The following ATP9B variants were observed in gnomAD, a reference collection of about 807,000 sequenced individuals.
The protein encoded by ATP9B is ATPase phospholipid transporting 9B, also known as probable phospholipid-transporting ATPase IIB.
ATP9B carries 110 observed loss-of-function variants against 146.1 expected under a neutral mutation model. The observed-to-expected ratio is 0.75, with a 90% CI of 0.65 to 0.88. The LOEUF is 0.88. Ranked by LOEUF, ATP9B falls within the 40% of genes least tolerant of loss-of-function variation. The pLI is 0.00. For synonymous variants in ATP9B, 604 were observed against 569.7 expected (o/e 1.06, Z -0.86); for missense variants, 1,499 against 1,496.4 (o/e 1.00, Z -0.03).
At chr18:79,299,389 A>G (rs2096574829) in intron 13 of ATP9B, among the ~76,000 whole-genome samples, 1 of 152,176 alleles carries the variant, frequency 6.6e-6, no homozygotes, top group Non-Finnish European at 1.5e-5. Context: ...AGCCACATAC[A>G]GTTCCCTCTT....
chr18:79,217,146 G>A (rs985987953), intron 11 of ATP9B, among the ~76,000 whole-genome samples: 9 of 152,208 alleles, frequency 5.9e-5, no homozygotes, highest in East Asian at 1.9e-4. Context: ...TCCTGAGGAC[G>A]TTTTCCTTAG....
At chr18:79,305,117 G>A (rs537496945) in intron 14 of ATP9B, among the ~76,000 whole-genome samples, 1 of 152,326 alleles carries the variant, frequency 6.6e-6, no homozygotes, top group South Asian at 2.1e-4. Flanking sequence ...GACTTGCAGA[G>A]GCCACCTGGC....
chr18:79,185,059 C>A (rs955696243), intron 8 of ATP9B, among the ~76,000 whole-genome samples: 58 of 151,708 alleles, frequency 3.8e-4, no homozygotes, highest in Middle Eastern at 3.4e-3. Context: ...TCTGTACAAG[C>A]GATCAGCAGG....
At position 79,336,657 on chromosome 18, in the gene ATP9B, G is replaced by A; in HGVS notation, c.2058G>A (p.Arg686=). 1 of 1,612,210 alleles carries A rather than the reference G, an allele frequency of 6.2e-7. No homozygotes were observed. The highest frequency in any genetic ancestry group is 8.5e-7 in the Non-Finnish European group (1 of 1,179,256). The change falls in exon 18 of 30, where the codon CGG becomes CGA. Residue 686 remains arginine, a synonymous_variant. Coordinates refer to ENST00000426216, the MANE Select transcript of ATP9B (RefSeq NM_198531.5). ...GAAACATGGCTCGCGAAGGACTGCG[G>A]ACCCTCGTGGTTGCAAAGAAGGCGT... ...ECGNMAREGL[R]TLVVAKKALT... is the part of the protein sequence containing the mutation.
chr18:79,156,139 C>G (rs776891622), intron 7 of ATP9B, among the ~76,000 whole-genome samples: 1 of 152,178 alleles, frequency 6.6e-6, no homozygotes, highest in East Asian at 1.9e-4. Context: ...AACGGGAGAT[C>G]AGCTCTACCC....
chr18:79,117,309 A>G (rs999600027), intron 4 of ATP9B: 3 of 152,214 alleles, frequency 2.0e-5, no homozygotes, highest in Non-Finnish European at 2.9e-5. Context: ...GAGAAAAGGC[A>G]GTATATAAAC....
chr18:79,122,969 C>T (rs1568223672), intron 4 of ATP9B, among the ~76,000 whole-genome samples: 2 of 152,118 alleles, frequency 1.3e-5, no homozygotes, highest in Admixed American at 6.5e-5. Flanking sequence ...TTTTGTACTT[C>T]ACACAGCTGA....
intron 2 of ATP9B, among the ~76,000 whole-genome samples, chr18:79,100,747 G>A (rs1157322331): frequency 1.3e-5 from 2 of 152,190 alleles, no homozygotes; most frequent in African/African-American, 2.4e-5. Flanking sequence ...TAGACTCACA[G>A]TAGTTCCACA....
At chr18:79,345,973 T>A in intron 23 of ATP9B, 134 bp downstream of exon 23, 1 of 960,442 alleles carries the variant, frequency 1.0e-6, no homozygotes, top group Admixed American at 1.8e-5. Context: ...GTACGCTCGG[T>A]CAGCAAACAC....
At chr18:79,151,928 A>G (rs1213861274) in intron 6 of ATP9B, among the ~76,000 whole-genome samples, 1 of 152,198 alleles carries the variant, frequency 6.6e-6, no homozygotes, top group Non-Finnish European at 1.5e-5. Context: ...CAATCTGTCC[A>G]TCTGACAGAG....
rs1568328467 is a variant in ATP9B at position 79,172,579 on chromosome 18, GCC to G, written c.779-4233_779-4232del. On this transcript the variant is annotated intron_variant, in intron 7 of 29. Coordinates refer to ENST00000426216, the MANE Select transcript of ATP9B (RefSeq NM_198531.5). ...GTGATTACAGGCGTAGCCACCGTGC[GCC>G]GACCTTGCGATCCGCCTTGGCCTCC... Among the ~76,000 whole-genome samples, 2 of 37,268 alleles carry G rather than the reference GCC, an allele frequency of 5.4e-5. 1 individual carries two copies. The highest frequency in any genetic ancestry group is 2.1e-4 in the African/African-American group (2 of 9,438). 24.4% of individuals were successfully genotyped at this position (37,268 alleles called of 152,430 possible).
intron 7 of ATP9B, among the ~76,000 whole-genome samples, chr18:79,172,978 T>G (rs568139424): frequency 1.1e-4 from 17 of 152,222 alleles, no homozygotes; most frequent in Non-Finnish European, 2.1e-4. Context: ...TACAGTTTTG[T>G]TTTACATTCC....
At chr18:79,359,765 G>A (rs1227724605) in intron 26 of ATP9B, 3 of 328,562 alleles carry the variant, frequency 9.1e-6, no homozygotes, top group African/African-American at 6.3e-5. Context: ...CTTTTGTGAA[G>A]TGAGCTCACC....
At chr18:79,152,264 C>G (rs971178975) in intron 6 of ATP9B, among the ~76,000 whole-genome samples, 2 of 152,160 alleles carry the variant, frequency 1.3e-5, no homozygotes, top group African/African-American at 4.8e-5. Context: ...ATGCATATTT[C>G]TATGAAGTCT....
At chr18:79,161,591 G>GTAA (rs1420615661) in intron 7 of ATP9B, among the ~76,000 whole-genome samples, 1 of 152,182 alleles carries the variant, frequency 6.6e-6, no homozygotes, top group African/African-American at 2.4e-5. Context: ...GCTCACGCTT[G>GTAA]TAATCCCAGC....
chr18:79,152,286 A>T (rs72992362), intron 6 of ATP9B, among the ~76,000 whole-genome samples: 1 of 152,168 alleles, frequency 6.6e-6, no homozygotes, highest in Non-Finnish European at 1.5e-5. Context: ...ATAAGATTCA[A>T]TACTTTTTCA....
In ATP9B at chr18:79,112,671, A is replaced by G. The variant is rs114997113; in HGVS notation, c.445-570A>G. Among the ~76,000 whole-genome samples, 748 of 152,220 alleles carry G rather than the reference A, an allele frequency of 4.9e-3. 5 individuals carry two copies. Among genetic ancestry groups the G allele is most frequent in the South Asian group, 0.025 (119 of 4,820 alleles). ...TACCCACAAGAGATTAAGGCAGTCT[A>G]TCTCGTGAAGTTACACCTGTTCACG... On this transcript the variant is annotated intron_variant, in intron 3 of 29. Coordinates refer to ENST00000426216, the MANE Select transcript of ATP9B (RefSeq NM_198531.5).
Position 79,377,822 on chromosome 18 carries a change from GGGAACGTCACCCCTGCC to G in ATP9B, c.*440_*456del. ...CGGGATGGCCCCTCCCTCTCAGTGC[GGGAACGTCACCCCTGCC>G]AGGCAAGCCCAGGGCACAGATGCTG... On this transcript the variant is annotated 3_prime_UTR_variant, in exon 30 of 30. Coordinates refer to ENST00000426216, the MANE Select transcript of ATP9B (RefSeq NM_198531.5). 7.7e-6 allele frequency: 1 copy of G among 130,658 alleles called. No homozygotes were observed. Among genetic ancestry groups the G allele is most frequent in the African/African-American group, 3.2e-5 (1 of 31,438 alleles). The allele number at this position is 130,658 out of a possible 1,614,324, so 8.1% of individuals were successfully genotyped here.
intron 9 of ATP9B, among the ~76,000 whole-genome samples, chr18:79,196,819 T>C (rs2095421970): frequency 6.6e-6 from 1 of 152,158 alleles, no homozygotes; most frequent in African/African-American, 2.4e-5. Context: ...TTAACAAGAA[T>C]ACCAGTATAG....
Sources: gnomAD v4.1 joint callset for allele counts (sites outside exome capture counted in the v4.1 genomes callset) on GRCh38, gnomAD v4.1.1 for gene constraint, MANE v1.5 for transcripts, NCBI Gene and HGNC (gene_info 2026-07-23, HGNC 2026-07-21) for gene names.